Variants in CPM observed in about 807,000 individuals in gnomAD.
The protein encoded by CPM is carboxypeptidase M, also known as renal carboxypeptidase.
In CPM, 35 loss-of-function variants were observed where a neutral mutation model predicts 46.4. That is an observed-to-expected ratio of 0.75 (90% CI 0.58 to 1.00). CPM has a LOEUF of 1.00. CPM is among the 50% of genes least tolerant of loss of function. The pLI, the probability that CPM is intolerant of heterozygous loss-of-function variation, is 0.00. For missense variants in CPM, 422 were observed against 530.4 expected, an observed-to-expected ratio of 0.80 and a Z score of 2.01; for synonymous variants, 195 against 195.3, an observed-to-expected ratio of 1.00 and a Z score of 0.01.
chr12:68,843,099 T>G (rs1336530050), intron 5 of CPM: 1 of 222,582 alleles, frequency 4.5e-6, no homozygotes, highest in Non-Finnish European at 9.0e-6. Context: ...GTGGGTTTTT[T>G]TTTTTTTAAA....
chr12:68,884,697 C>G (rs1262621725), intron 3 of CPM, among the ~76,000 whole-genome samples: 1 of 152,164 alleles, frequency 6.6e-6, no homozygotes, highest in African/African-American at 2.4e-5. Context: ...ACTGGGATGG[C>G]TGGGGACTCT....
chr12:68,955,052 C>T (rs1418351881), intron 1 of CPM, among the ~76,000 whole-genome samples: 1 of 152,186 alleles, frequency 6.6e-6, no homozygotes, highest in Non-Finnish European at 1.5e-5. Flanking sequence ...TGCCCACACA[C>T]CCCTTGCTGC....
intron 2 of CPM, among the ~76,000 whole-genome samples, chr12:68,915,809 C>T (rs970958972): frequency 2.0e-5 from 3 of 152,162 alleles, no homozygotes; most frequent in East Asian, 1.9e-4. Context: ...GTTACCGAAC[C>T]GAATCTATCA....
At chr12:68,927,058 T>C (rs1343262259) in intron 2 of CPM, among the ~76,000 whole-genome samples, 2 of 152,174 alleles carry the variant, frequency 1.3e-5, no homozygotes, top group Non-Finnish European at 2.9e-5. Flanking sequence ...GCATGATTTA[T>C]AGTCCTTTGG....
chr12:68,863,163 C>T (rs1188742661), intron 7 of CPM, among the ~76,000 whole-genome samples: 1 of 152,140 alleles, frequency 6.6e-6, no homozygotes, highest in Non-Finnish European at 1.5e-5. Flanking sequence ...ATAACAGATC[C>T]ACATCTGTGG....
chr12:68,870,339 AT>A lies in CPM; in HGVS notation c.491del (p.Asn164MetfsTer12). On this transcript the variant is annotated frameshift_variant, in exon 5 of 9. Transcript: ENST00000551568. LOFTEE classifies it high-confidence loss of function. Reference sequence around the variant, plus strand: ...CCACAGTTTCAGGCTGCCTTGAGACATTATTATATTCAAAAGCATCGGGGAA... The same window carrying A: ...CCACAGTTTCAGGCTGCCTTGAGACATATTATATTCAAAAGCATCGGGGAA... ...RNFPDAFEYN[N>X]VSRQPETVAV... 6.2e-7 allele frequency: 1 copy of A among 1,614,208 alleles called. No homozygotes were observed.
chr12:68,891,815 C>A (rs557073525), intron 2 of CPM, among the ~76,000 whole-genome samples: 1 of 152,218 alleles, frequency 6.6e-6, no homozygotes, highest in Non-Finnish European at 1.5e-5. Context: ...CGGCTCACTG[C>A]AGCCTCCACT....
intron 2 of CPM, among the ~76,000 whole-genome samples, chr12:68,923,717 AAG>A (rs372965181): frequency 1.3e-5 from 2 of 152,326 alleles, no homozygotes; most frequent in African/African-American, 4.8e-5. Context: ...CTAGAAGACA[AAG>A]AAATCACATG....
chr12:68,938,471 A>G (rs1888707277), intron 1 of CPM, among the ~76,000 whole-genome samples: 1 of 152,100 alleles, frequency 6.6e-6, no homozygotes, highest in Non-Finnish European at 1.5e-5. Context: ...CCAGCGCCCT[A>G]ATGTGGCACA....
chr12:68,932,719 C>T lies in CPM; in HGVS notation c.119G>A (p.Ser40Asn). ...AATACTGTGTAAGTGAGTGACAGAA[C>T]TGTAGTTTTGGGCAACAGTCTTCAA... ...AFLKTVAQNY[S>N]SVTHLHSIGK... Residue 40 changes from serine (S) to asparagine (N), a missense_variant, in exon 2 of 9, where the codon AGT becomes AAT. Physicochemically the swap from Ser to Asn is conservative, Grantham distance 46. Coordinates refer to ENST00000551568, the MANE Select transcript of CPM (RefSeq NM_198320.5). 2 of 1,614,184 alleles carry T rather than the reference C, an allele frequency of 1.2e-6. No homozygotes were observed. The highest frequency in any genetic ancestry group is 2.2e-5 in the East Asian group (1 of 44,878).
In CPM at chr12:68,866,966, C is replaced by T; in HGVS notation, c.870G>A (p.Glu290=). Residue 290 remains glutamate (E), a synonymous_variant, in exon 7 of 9, where the codon GAG becomes GAA. Coordinates refer to ENST00000551568, the MANE Select transcript of CPM (RefSeq NM_198320.5). ...TATTCCAAAAGGATGGAAGCTTCTC[C>T]TCACGAGGATATTTACAGCATGACA... ...LELSCCKYPR[E]EKLPSFWNNN... The T allele has an allele frequency of 1.2e-5, 20 of 1,614,158 alleles. No homozygotes were observed. Among genetic ancestry groups the T allele is most frequent in the Non-Finnish European group, 1.7e-5 (20 of 1,179,990 alleles).
intron 3 of CPM, among the ~76,000 whole-genome samples, chr12:68,879,105 T>C (rs772190057): frequency 4.6e-5 from 7 of 152,200 alleles, no homozygotes; most frequent in African/African-American, 7.2e-5. Context: ...GGAGGATTGC[T>C]TGGACCCAGG....
chr12:68,872,980 G>T (rs4359283), intron 3 of CPM, among the ~76,000 whole-genome samples: 17,281 of 152,100 alleles, frequency 0.11, 2,053 homozygotes, highest in African/African-American at 0.29. Flanking sequence ...AGGAGAGAGA[G>T]TCATTATTTT....
intron 1 of CPM, among the ~76,000 whole-genome samples, chr12:68,942,895 G>T (rs920562794): frequency 5.3e-5 from 8 of 152,142 alleles, no homozygotes; most frequent in Admixed American, 6.5e-5. Flanking sequence ...ACTCCAGTAT[G>T]CCCTAACACA....
chr12:68,864,703 G>A (rs2136223687), intron 7 of CPM, among the ~76,000 whole-genome samples: 1 of 152,192 alleles, frequency 6.6e-6, no homozygotes, highest in South Asian at 2.1e-4. Context: ...TACTGGTGAA[G>A]AATGAATTTC....
At chr12:68,932,552 G>C (rs1189562355) in intron 2 of CPM, 126 bp downstream of exon 2, 12 of 1,096,446 alleles carry the variant, frequency 1.1e-5, no homozygotes, top group African/African-American at 4.7e-5. Flanking sequence ...GCACGGTACC[G>C]GTTGACTTGT....
At chr12:68,850,151 G>A (rs1884600153), downstream of CPM, 1 of 152,128 alleles carries the variant, frequency 6.6e-6, no homozygotes, top group Non-Finnish European at 1.5e-5. Flanking sequence ...CAGGCGTCAT[G>A]GCATGTGCCT....
In CPM at chr12:68,918,189, T is replaced by G. The variant is rs1887887301; in HGVS notation, c.160+14489A>C. 3.3e-5 allele frequency among the ~76,000 whole-genome samples: 5 copies of G among 152,134 alleles called. No homozygotes were observed. In the South Asian group the frequency reaches 1.0e-3, roughly 32 times the overall value. On this transcript the variant is annotated intron_variant, in intron 2 of 8. Coordinates refer to ENST00000551568, the MANE Select transcript of CPM (RefSeq NM_198320.5). ...AATTTTCCTTCTACCTCATTACTGA[T>G]CTTTTCCCATCTCCATTCTTGGCTC...
chr12:68,935,137 C>T (rs1888651368), upstream of CPM, among the ~76,000 whole-genome samples: 1 of 151,480 alleles, frequency 6.6e-6, no homozygotes, highest in East Asian at 2.0e-4. Context: ...CTGGAACTCC[C>T]GACCTCGGGC....
Sources: allele counts gnomAD v4.1 joint callset (sites outside exome capture counted in the v4.1 genomes callset), GRCh38; gene constraint gnomAD v4.1.1; transcripts MANE v1.5; gene names NCBI Gene and HGNC (gene_info 2026-07-23, HGNC 2026-07-21).